The following ZYG11B variants were observed in gnomAD, a reference collection of about 807,000 sequenced individuals.
ZYG11B encodes the protein zyg-11 family member B, cell cycle regulator, also known as protein zyg-11 homolog B.
Under a neutral mutation model 82.4 loss-of-function variants are expected in ZYG11B, and 36 were observed. That is an observed-to-expected ratio of 0.44 (90% CI 0.33 to 0.58). ZYG11B has a LOEUF of 0.58. Among genes scored for constraint, ZYG11B ranks in the 20% least tolerant of loss-of-function variants. The pLI is 0.02. For missense variants in ZYG11B, 552 were observed against 895.6 expected, an observed-to-expected ratio of 0.62 and a Z score of 4.90; for synonymous variants, 303 against 312.8, an observed-to-expected ratio of 0.97 and a Z score of 0.33.
chr1:52,789,467 T>A (rs554584334), intron 5 of ZYG11B, among the ~76,000 whole-genome samples: 4 of 152,336 alleles, frequency 2.6e-5, no homozygotes, highest in African/African-American at 9.6e-5. Context: ...TCTATTATGA[T>A]GGTGCACCTT....
Position 52,795,341 on chromosome 1 carries a change from T to A in ZYG11B, c.1335-951T>A, listed in dbSNP as rs1644998717. 5.3e-5 allele frequency among the ~76,000 whole-genome samples: 8 copies of A among 152,150 alleles called. No individual in the cohort carries two copies. The South Asian group carries it at 1.7e-3, about 31-fold the overall frequency. On this transcript the variant is annotated intron_variant, in intron 6 of 13. Transcript: ENST00000294353. The stretch of plus-strand genomic sequence containing the variant: ...TTTCCTGAGGCCTTCCCAGTGGTGC[T>A]TCCTTACAGCCTGTGGAACCATGAG...
chr1:52,754,376 T>C (rs562501001), intron 1 of ZYG11B: 9 of 152,256 alleles, frequency 5.9e-5, no homozygotes, highest in African/African-American at 2.2e-4. Flanking sequence ...CTTATCAGTT[T>C]ATTTTACATT....
chr1:52,727,856 C>T (rs893990144), intron 1 of ZYG11B, among the ~76,000 whole-genome samples: 1 of 152,172 alleles, frequency 6.6e-6, no homozygotes, highest in African/African-American at 2.4e-5. Context: ...ATGCAACAAG[C>T]TAAATTTTGG....
At chr1:52,808,541 A>AT (rs1324952727) in intron 10 of ZYG11B, among the ~76,000 whole-genome samples, 1 of 152,032 alleles carries the variant, frequency 6.6e-6, no homozygotes, top group Non-Finnish European at 1.5e-5. Flanking sequence ...TTTTTAAAAT[A>AT]TTTTTGTACA....
chr1:52,772,253 G>T, intron 3 of ZYG11B: 1 of 1,319,486 alleles, frequency 7.6e-7, no homozygotes, highest in East Asian at 2.3e-5. Flanking sequence ...GGGAGGACTC[G>T]CTTGGTCTTA....
chr1:52,793,299 A>G (rs1382924977), intron 6 of ZYG11B, among the ~76,000 whole-genome samples: 2 of 151,762 alleles, frequency 1.3e-5, no homozygotes, highest in Non-Finnish European at 2.9e-5. Flanking sequence ...ACTTGAGGTC[A>G]GGAGTTCTAG....
At chr1:52,738,985 C>G (rs1571741185) in intron 1 of ZYG11B, among the ~76,000 whole-genome samples, 1 of 106,308 alleles carries the variant, frequency 9.4e-6, no homozygotes, top group Non-Finnish European at 1.7e-5. Context: ...GCCCTGTAAC[C>G]TTTTTTTTTT....
At chr1:52,791,267 C>T (rs535549177) in intron 6 of ZYG11B, among the ~76,000 whole-genome samples, 16 of 152,096 alleles carry the variant, frequency 1.1e-4, no homozygotes, top group African/African-American at 3.9e-4. Context: ...GCCACCATGC[C>T]CAGTCTTAAA....
intron 2 of ZYG11B, among the ~76,000 whole-genome samples, chr1:52,760,017 A>G (rs1488851488): frequency 6.6e-6 from 1 of 152,032 alleles, no homozygotes; most frequent in African/African-American, 2.4e-5. Context: ...TTTTTTTAGT[A>G]CAGATGGGAT....
At chr1:52,753,645 G>C (rs557458386) in intron 1 of ZYG11B, among the ~76,000 whole-genome samples, 1 of 151,902 alleles carries the variant, frequency 6.6e-6, no homozygotes, top group African/African-American at 2.4e-5. Context: ...TGCCCAGGCC[G>C]GAGTGCAATG....
chr1:52,772,031 A>G (rs1021404924), intron 3 of ZYG11B, among the ~76,000 whole-genome samples: 3 of 152,234 alleles, frequency 2.0e-5, no homozygotes, highest in Non-Finnish European at 2.9e-5. Context: ...ATAATAATCT[A>G]TGTAAAGGGC....
At chr1:52,811,883 T>C (rs1446336628) in intron 10 of ZYG11B, among the ~76,000 whole-genome samples, 1 of 152,028 alleles carries the variant, frequency 6.6e-6, no homozygotes, top group Non-Finnish European at 1.5e-5. Context: ...ACAAAAAAAT[T>C]AGCCAGGCAT....
At position 52,821,657 on chromosome 1, in the gene ZYG11B, A is replaced by G. The variant is rs1571806775; in HGVS notation, c.*28A>G. 3.2e-6 allele frequency: 5 copies of G among 1,572,262 alleles called. No individual in the cohort carries two copies. Among genetic ancestry groups the G allele is most frequent in the Non-Finnish European group, 4.3e-6 (5 of 1,156,158 alleles). On this transcript the variant is annotated 3_prime_UTR_variant, in exon 14 of 14. Coordinates refer to ENST00000294353, the MANE Select transcript of ZYG11B (RefSeq NM_024646.3). ...GCCATAAGTATTGGATAGTTGAATC[A>G]CAGGAATCCTTTTTGTGATTGGTCC...
At chr1:52,774,926 A>G (rs923821568) in intron 3 of ZYG11B, among the ~76,000 whole-genome samples, 4 of 151,904 alleles carry the variant, frequency 2.6e-5, no homozygotes, top group African/African-American at 7.3e-5. Flanking sequence ...GTAGCTCCCA[A>G]CTCATGAGAA....
intron 3 of ZYG11B, among the ~76,000 whole-genome samples, chr1:52,778,471 T>A (rs1644827617): frequency 6.6e-6 from 1 of 152,188 alleles, no homozygotes; most frequent in Non-Finnish European, 1.5e-5. Context: ...CTCTTTGTAT[T>A]TTCTGCAAAT....
At chr1:52,740,128 A>C (rs1644411729) in intron 1 of ZYG11B, among the ~76,000 whole-genome samples, 1 of 152,190 alleles carries the variant, frequency 6.6e-6, no homozygotes, top group Non-Finnish European at 1.5e-5. Flanking sequence ...TTATATTTCA[A>C]AACTCCTGGT....
intron 13 of ZYG11B, among the ~76,000 whole-genome samples, chr1:52,818,948 C>T (rs1645257847): frequency 6.6e-6 from 1 of 152,034 alleles, no homozygotes; most frequent in Non-Finnish European, 1.5e-5. Context: ...AACACGCCAC[C>T]ATGCCCAGCT....
At chr1:52,801,160 G>A (rs1433451363) in intron 8 of ZYG11B, among the ~76,000 whole-genome samples, 2 of 152,014 alleles carry the variant, frequency 1.3e-5, no homozygotes, top group East Asian at 3.8e-4. Context: ...AAGGGGAAAG[G>A]GGGAAAAATA....
intron 8 of ZYG11B, among the ~76,000 whole-genome samples, chr1:52,798,840 G>A (rs1047900730): frequency 6.6e-6 from 1 of 152,046 alleles, no homozygotes; most frequent in South Asian, 2.1e-4. Flanking sequence ...AAGACTTAGA[G>A]GCAAAAAGTA....
Sources: allele counts gnomAD v4.1 joint callset (sites outside exome capture counted in the v4.1 genomes callset), GRCh38; gene constraint gnomAD v4.1.1; transcripts MANE v1.5; gene names NCBI Gene and HGNC (gene_info 2026-07-23, HGNC 2026-07-21).